ESRRG: variants seen among roughly 807,000 people sequenced by gnomAD.
ESRRG encodes the protein estrogen related receptor gamma.
Under a neutral mutation model 44.0 loss-of-function variants are expected in ESRRG, and 13 were observed. The ratio of observed to expected loss-of-function variants is 0.30; its 90% CI spans 0.19 to 0.47. ESRRG has a LOEUF of 0.47. Ranked by LOEUF, ESRRG falls within the 20% of genes least tolerant of loss-of-function variation. The pLI, the probability that ESRRG is intolerant of heterozygous loss-of-function variation, is 1.00. For missense variants in ESRRG, 395 were observed against 580.6 expected (o/e 0.68, Z 3.29); for synonymous variants, 215 against 214.6 (o/e 1.00, Z -0.02).
intron 2 of ESRRG, among the ~76,000 whole-genome samples, chr1:216,908,062 C>A (rs1168493810): frequency 6.6e-6 from 1 of 152,208 alleles, no homozygotes; most frequent in Non-Finnish European, 1.5e-5. Flanking sequence ...TATTCATGTT[C>A]TTTCCTAATG....
rs895143920 is a variant in ESRRG, at chr1:217,052,304, A to T, written c.-106+37203T>A. Among the ~76,000 whole-genome samples, 5 of 152,308 alleles carry T rather than the reference A, an allele frequency of 3.3e-5. No homozygotes were observed. In the South Asian group the frequency reaches 1.0e-3, roughly 32 times the overall value. On this transcript the variant is annotated intron_variant, in intron 1 of 7. Coordinates refer to the ESRRG transcript ENST00000359162. ...AGAGAATGAACTGAGATGATTCAAAACAGATCAACTTTAAGATTTGGTGCA... is the reference window on the plus strand; with the variant it reads ...AGAGAATGAACTGAGATGATTCAAATCAGATCAACTTTAAGATTTGGTGCA...
At chr1:216,709,196 C>T (rs543844670) in intron 1 of ESRRG, among the ~76,000 whole-genome samples, 22 of 151,800 alleles carry the variant, frequency 1.4e-4, no homozygotes, top group African/African-American at 5.1e-4. Flanking sequence ...CACATGTATC[C>T]CAGAACTTAA....
Position 216,503,331 on chromosome 1 carries a change from T to C in ESRRG, c.*3608A>G, listed in dbSNP as rs1236796041. 1.2e-4 allele frequency: 18 copies of C among 152,436 alleles called. No individual in the cohort carries two copies. 9.4% of individuals were successfully genotyped at this position (152,436 alleles called of 1,614,324 possible). A position where few individuals can be genotyped will look rare whatever the true frequency, so the allele number is the denominator to read the frequency against. ...ATTTGAGTTACACATCTGAACTGAT[T>C]GGAGTTACAGAATCATATCTCCTTT... On this transcript the variant is annotated 3_prime_UTR_variant, in exon 7 of 7. Coordinates refer to ENST00000408911, the MANE Select transcript of ESRRG (RefSeq NM_001438.4).
At chr1:216,512,590 T>C (rs2043036037) in intron 6 of ESRRG, among the ~76,000 whole-genome samples, 1 of 152,088 alleles carries the variant, frequency 6.6e-6, no homozygotes, top group South Asian at 2.1e-4. Context: ...ATTACTTTTG[T>C]GGGAAGGGAA....
intron 2 of ESRRG, among the ~76,000 whole-genome samples, chr1:216,936,212 T>A (rs1261244006): frequency 6.6e-6 from 1 of 152,122 alleles, no homozygotes; most frequent in Non-Finnish European, 1.5e-5. Context: ...TATATTTCTT[T>A]TTATAAATCA....
In ESRRG at chr1:216,694,809, G is replaced by A. The variant is rs573118984; in HGVS notation, c.57-17318C>T. Among the ~76,000 whole-genome samples, 28 of 152,052 alleles carry A rather than the reference G, an allele frequency of 1.8e-4. No homozygotes were observed. In the South Asian group the frequency reaches 4.6e-3, roughly 25 times the overall value. On this transcript the variant is annotated intron_variant, in intron 1 of 6. Transcript: ENST00000408911. ...TGGACTCAAGTAATCCACCCACCTC[G>A]GTCTCTCCCAAAGTGTTGGGATTAC...
At chr1:216,857,229 A>T (rs968787134) in intron 2 of ESRRG, among the ~76,000 whole-genome samples, 1 of 152,084 alleles carries the variant, frequency 6.6e-6, no homozygotes, top group Non-Finnish European at 1.5e-5. Flanking sequence ...TAAACCCTGG[A>T]ACATCAAACC....
intron 2 of ESRRG, among the ~76,000 whole-genome samples, chr1:216,794,528 C>T (rs2094421165): frequency 6.6e-6 from 1 of 152,162 alleles, no homozygotes; most frequent in Non-Finnish European, 1.5e-5. Flanking sequence ...ATCCCATTAC[C>T]ATGTAGAGAA....
Position 216,653,934 on chromosome 1 carries a change from C to G in ESRRG, c.473-2845G>C, listed in dbSNP as rs1382229433. On this transcript the variant is annotated intron_variant, in intron 2 of 6. Transcript: ENST00000408911. Reference sequence around the variant, plus strand: ...TTCAAGACCAGCTTGGCTAACATGGCAAAACCCCATCTCTACCAAAAAAAA... The same window carrying G: ...TTCAAGACCAGCTTGGCTAACATGGGAAAACCCCATCTCTACCAAAAAAAA... Among the ~76,000 whole-genome samples the G allele has an allele frequency of 2.1e-5, 3 of 146,060 alleles. No individual in the cohort carries two copies. In the East Asian group the frequency reaches 6.2e-4, roughly 30 times the overall value.
At chr1:216,898,419 A>T (rs2149462682) in intron 2 of ESRRG, among the ~76,000 whole-genome samples, 1 of 152,242 alleles carries the variant, frequency 6.6e-6, no homozygotes, top group East Asian at 1.9e-4. Flanking sequence ...GGAGCTCGAG[A>T]CCAGCCTGGC....
chr1:216,839,065 T>C (rs911296009), intron 2 of ESRRG, among the ~76,000 whole-genome samples: 2 of 152,208 alleles, frequency 1.3e-5, no homozygotes, highest in African/African-American at 2.4e-5. Context: ...GAAGTTTTAC[T>C]ACCCACCATA....
In ESRRG at chr1:216,557,855, C is replaced by T. The variant is rs73089916; in HGVS notation, c.862+6364G>A. On this transcript the variant is annotated intron_variant, in intron 5 of 6. Transcript: ENST00000408911. The stretch of plus-strand genomic sequence containing the variant: ...AGTACAAAGTGTAGTGTTAAATATA[C>T]AGGAGACACTCAAATACTTAAATTG... Among the ~76,000 whole-genome samples, 1,266 of 152,194 alleles carry T rather than the reference C, an allele frequency of 8.3e-3. 18 individuals carry two copies. Among genetic ancestry groups the T allele is most frequent in the African/African-American group, 0.029 (1,204 of 41,524 alleles).
intron 2 of ESRRG, among the ~76,000 whole-genome samples, chr1:216,758,337 C>T (rs1040878607): frequency 3.3e-5 from 5 of 152,066 alleles, no homozygotes; most frequent in Non-Finnish European, 7.4e-5. Flanking sequence ...AACAAACAGC[C>T]GCTCCACCAT....
intron 1 of ESRRG, among the ~76,000 whole-genome samples, chr1:216,989,450 A>AAAAC (rs1553757484): frequency 4.2e-5 from 6 of 142,490 alleles, no homozygotes; most frequent in Non-Finnish European, 4.5e-5. Flanking sequence ...AAAAAAAAAA[A>AAAAC]CACAGTGGGA....
At chr1:216,599,820 C>G (rs1382279768) in intron 3 of ESRRG, among the ~76,000 whole-genome samples, 2 of 143,082 alleles carry the variant, frequency 1.4e-5, no homozygotes, top group Non-Finnish European at 3.0e-5. Flanking sequence ...GGAGAATTAA[C>G]AGGAAAAAAA....
chr1:216,904,466 G>T lies in ESRRG; in HGVS notation c.-14+35116C>A, dbSNP rs114661314. ...AAATTAAACAAAGTCATTGAAAAGC[G>T]CACTTAGCGTCTGTTATAAACAGAA... On this transcript the variant is annotated intron_variant, in intron 2 of 7. Transcript: ENST00000359162. Among the ~76,000 whole-genome samples the T allele has an allele frequency of 6.6e-3, 1,007 of 152,230 alleles. 12 individuals carry two copies. The highest frequency in any genetic ancestry group is 0.022 in the African/African-American group (934 of 41,518).
intron 1 of ESRRG, among the ~76,000 whole-genome samples, chr1:217,136,888 G>A (rs189045616): frequency 5.9e-5 from 9 of 152,304 alleles, no homozygotes; most frequent in Admixed American, 3.9e-4. Context: ...CGATCAGCAC[G>A]GATGGGTGTG....
At chr1:216,693,613 C>T (rs1192398484) in intron 1 of ESRRG, among the ~76,000 whole-genome samples, 1 of 152,154 alleles carries the variant, frequency 6.6e-6, no homozygotes, top group African/African-American at 2.4e-5. Flanking sequence ...ATTCGTAATA[C>T]CTAATACAAC....
Position 216,506,559 on chromosome 1 carries a change from G to T in ESRRG, c.*380C>A. The T allele has an allele frequency of 4.5e-6, 2 of 446,884 alleles. No individual in the cohort carries two copies. Among genetic ancestry groups the T allele is most frequent in the Non-Finnish European group, 4.4e-6 (1 of 226,232 alleles). The allele number at this position is 446,884 out of a possible 1,614,324, so 27.7% of individuals were successfully genotyped here. ...GCTATTTCAAATTTAGAAAAAAGGG[G>T]AAGGATGAGAAAAGAGAGGAATGAG... is the stretch of plus-strand genomic sequence containing the variant. On this transcript the variant is annotated 3_prime_UTR_variant, in exon 7 of 7. Transcript: ENST00000408911.
Sources: allele counts gnomAD v4.1 joint callset (sites outside exome capture counted in the v4.1 genomes callset), GRCh38; gene constraint gnomAD v4.1.1; transcripts MANE v1.5; gene names NCBI Gene and HGNC (gene_info 2026-07-23, HGNC 2026-07-21).